SLC27A4: variants seen among roughly 807,000 people sequenced by gnomAD.
SLC27A4 encodes the protein solute carrier family 27 member 4, also known as long-chain fatty acid transport protein 4.
A neutral mutation model predicts 64.4 loss-of-function variants in SLC27A4; 33 were observed. The ratio of observed to expected loss-of-function variants is 0.51; its 90% CI spans 0.39 to 0.68. The LOEUF (loss-of-function observed/expected upper bound fraction) is 0.68, where lower values mean the gene tolerates loss of function less well. Ranked by LOEUF, SLC27A4 falls within the 30% of genes least tolerant of loss-of-function variation. The pLI is 0.00. For missense variants in SLC27A4, 824 were observed against 883.5 expected (o/e 0.93, Z 0.85); for synonymous variants, 377 against 370.0 (o/e 1.02, Z -0.22).
At chr9:128,351,685 T>A (rs9695345) in intron 6 of SLC27A4, among the ~76,000 whole-genome samples, 3 of 151,952 alleles carry the variant, frequency 2.0e-5, no homozygotes, top group African/African-American at 7.3e-5. Flanking sequence ...CCATTGCACA[T>A]CAGCCTGGGT....
chr9:128,358,243 TGGCTCTC>T (rs1030932722), intron 12 of SLC27A4, among the ~76,000 whole-genome samples: 1 of 152,202 alleles, frequency 6.6e-6, no homozygotes, highest in Non-Finnish European at 1.5e-5. Flanking sequence ...CCCACGTGTC[TGGCTCTC>T]GGCTGCTTAC....
intron 12 of SLC27A4, among the ~76,000 whole-genome samples, chr9:128,357,254 T>C: frequency 7.6e-6 from 1 of 131,048 alleles, no homozygotes; most frequent in Non-Finnish European, 1.6e-5. Context: ...AGAGTGAGAC[T>C]CTGTCTCAAA....
intron 7 of SLC27A4, 104 bp from the exon 8 acceptor site, chr9:128,352,921 G>C (rs1410277166): frequency 8.6e-7 from 1 of 1,165,474 alleles, no homozygotes; most frequent in East Asian, 2.5e-5. Flanking sequence ...GGAAAGGATG[G>C]CATGGCCAGC....
At chr9:128,357,513 G>C (rs552884084) in intron 12 of SLC27A4, among the ~76,000 whole-genome samples, 1 of 152,174 alleles carries the variant, frequency 6.6e-6, no homozygotes, top group Non-Finnish European at 1.5e-5. Flanking sequence ...TGCTGTGTAC[G>C]GAGTGGGAGA....
rs760973751 is a variant in SLC27A4 at position 128,345,281 on chromosome 9, G to A, written c.288G>A (p.Glu96=). ...CCGACAAGACGGCCCTGATCTTCGA[G>A]GGCACAGATACCCACTGGACCTTCC... The part of the protein sequence containing the change: ...RHPDKTALIF[E]GTDTHWTFRQ... The change falls in exon 3 of 13, where the codon GAG becomes GAA. Residue 96 remains glutamate (E), a synonymous_variant. Transcript: ENST00000300456. This position sits in a 1 kb window ranked among gnomAD's most constrained non-coding sequence, Gnocchi z 4.1. The A allele has an allele frequency of 3.7e-6, 6 of 1,613,938 alleles. No homozygotes were observed. Among genetic ancestry groups the A allele is most frequent in the Non-Finnish European group, 4.2e-6 (5 of 1,180,006 alleles).
At chr9:128,346,446 G>C (rs1483965721) in intron 3 of SLC27A4, among the ~76,000 whole-genome samples, 1 of 150,412 alleles carries the variant, frequency 6.6e-6, no homozygotes, top group African/African-American at 2.4e-5. Context: ...ATGTTGGTCA[G>C]GCTGGTCTCC....
At chr9:128,343,639 A>G (rs929953871) in intron 2 of SLC27A4, among the ~76,000 whole-genome samples, 3 of 152,158 alleles carry the variant, frequency 2.0e-5, no homozygotes, top group African/African-American at 7.2e-5. Context: ...TTTTGGGGAA[A>G]GGCCCTGCCC....
intron 1 of SLC27A4, chr9:128,342,187 C>T (rs1204882467): frequency 6.6e-7 from 1 of 1,515,148 alleles, no homozygotes; most frequent in Non-Finnish European, 9.2e-7. Context: ...GCAGACCAGA[C>T]TTCGCTCGTT....
At chr9:128,351,572 C>T (rs1470883005) in intron 6 of SLC27A4, among the ~76,000 whole-genome samples, 1 of 151,630 alleles carries the variant, frequency 6.6e-6, no homozygotes. Flanking sequence ...CAAAAAGTAG[C>T]TGGGCTTGGT....
Position 128,355,534 on chromosome 9 carries a change from C to T in SLC27A4, c.1599C>T (p.Asp533=), listed in dbSNP as rs371165384. 7.4e-6 allele frequency: 12 copies of T among 1,612,158 alleles called. No homozygotes were observed. Among genetic ancestry groups the T allele is most frequent in the African/African-American group, 6.7e-5 (5 of 74,924 alleles). Residue 533 remains aspartate (D), a synonymous_variant, in exon 11 of 13, where the codon GAC becomes GAT. Coordinates refer to ENST00000300456, the MANE Select transcript of SLC27A4 (RefSeq NM_005094.4). The part of the protein sequence containing the change: ...GTLSRLLDMA[D]VAVYGVEVPG... ...TCAGCCGCCTGCTGGACATGGCTGACGTGGCCGTGTATGGTGTCGAGGTGC... is the reference window on the plus strand; with the variant it reads ...TCAGCCGCCTGCTGGACATGGCTGATGTGGCCGTGTATGGTGTCGAGGTGC...
rs768827874 is a variant in SLC27A4, at chr9:128,355,084, C to T, written c.1356C>T (p.Ile452=). 11 of 1,612,234 alleles carry T rather than the reference C, an allele frequency of 6.8e-6. No homozygotes were observed. In the East Asian group the frequency reaches 2.2e-4, roughly 33 times the overall value. The part of the protein sequence containing the change: ...GEPGQLVGRI[I]QKDPLRRFDG... ...CGGGCCAGCTGGTGGGCCGCATCATCCAGAAAGACCCCCTGCGCCGCTTCG... is the reference window on the plus strand; with the variant it reads ...CGGGCCAGCTGGTGGGCCGCATCATTCAGAAAGACCCCCTGCGCCGCTTCG... The change falls in exon 10 of 13, where the codon ATC becomes ATT. Residue 452 remains isoleucine (I), a synonymous_variant. Transcript: ENST00000300456.
At position 128,348,546 on chromosome 9, in the gene SLC27A4, C is replaced by T; in HGVS notation, c.558C>T (p.Ala186=). The change falls in exon 4 of 13, where the codon GCC becomes GCT. Residue 186 remains alanine, a splice_region_variant and synonymous_variant. Coordinates refer to ENST00000300456, the MANE Select transcript of SLC27A4 (RefSeq NM_005094.4). ...GCTGACTGCCCTGTCTCCCCACAGC[C>T]ATCTGTGAGGTCCATGCCAGCCTGG... The part of the protein sequence containing the change: ...ALVFGSEMAS[A]ICEVHASLDP... 1 of 1,613,104 alleles carries T rather than the reference C, an allele frequency of 6.2e-7. No individual in the cohort carries two copies. Among genetic ancestry groups the T allele is most frequent in the East Asian group, 2.2e-5 (1 of 44,884 alleles).
At chr9:128,350,182 GA>G (rs1832711758) in intron 4 of SLC27A4, 129 bp from the exon 5 acceptor site, 9 of 749,486 alleles carry the variant, frequency 1.2e-5, no homozygotes, top group Middle Eastern at 3.9e-4. Flanking sequence ...GAGGTTATCA[GA>G]ACAGGCTTCC....
chr9:128,345,757 C>CCTCA lies in SLC27A4; in HGVS notation c.556+209_556+212dup, dbSNP rs1371599932. Among the ~76,000 whole-genome samples the CCTCA allele has an allele frequency of 2.0e-5, 3 of 152,306 alleles. No homozygotes were observed. The highest frequency in any genetic ancestry group is 2.1e-4 in the South Asian group (1 of 4,818). On this transcript the variant is annotated intron_variant, in intron 3 of 12. Coordinates refer to ENST00000300456, the MANE Select transcript of SLC27A4 (RefSeq NM_005094.4). The surrounding 1 kb of genome is among the most constrained non-coding windows in gnomAD (Gnocchi z 4.1). ...TCAGTTTCCTCATCCGTCGTTCCTA[C>CCTCA]CTCATACTGTTTTCAAAAAGGTACT...
At position 128,360,557 on chromosome 9, in the gene SLC27A4, G is replaced by C; in HGVS notation, c.*66G>C. On this transcript the variant is annotated 3_prime_UTR_variant, in exon 13 of 13. Coordinates refer to ENST00000300456, the MANE Select transcript of SLC27A4 (RefSeq NM_005094.4). ...GAGCCCCAGGTTCCGCCCCAGAGCG[G>C]TCCTGGACAAGGCCAGACCAAAGCA... The C allele has an allele frequency of 1.3e-6, 2 of 1,581,382 alleles. No individual in the cohort carries two copies. The highest frequency in any genetic ancestry group is 1.7e-6 in the Non-Finnish European group (2 of 1,155,992).
intron 3 of SLC27A4, among the ~76,000 whole-genome samples, chr9:128,347,983 A>G (rs112417645): frequency 0.062 from 9,424 of 152,016 alleles, 387 homozygotes; most frequent in Middle Eastern, 0.14. Context: ...AGAGGAAGCC[A>G]GGAAGGTGGG....
At chr9:128,350,404 G>A (rs922230077) in intron 5 of SLC27A4, 23 bp downstream of exon 5, 1 of 1,613,198 alleles carries the variant, frequency 6.2e-7, no homozygotes, top group Non-Finnish European at 8.5e-7. Flanking sequence ...TGCCCAGGGT[G>A]GGGTAGGCAC....
chr9:128,347,641 C>T (rs1832675665), intron 3 of SLC27A4, among the ~76,000 whole-genome samples: 1 of 150,052 alleles, frequency 6.7e-6, no homozygotes, highest in South Asian at 2.1e-4. Flanking sequence ...GCACAAGAAT[C>T]ACTTGAACCA....
At chr9:128,343,406 C>A in intron 2 of SLC27A4, 113 bp downstream of exon 2, 2 of 1,298,552 alleles carry the variant, frequency 1.5e-6, no homozygotes, top group South Asian at 1.2e-5. Context: ...GGCAGCTGAG[C>A]TGAGTTCCAG....
Sources: gnomAD v4.1 joint callset for allele counts (sites outside exome capture counted in the v4.1 genomes callset) on GRCh38, gnomAD v4.1.1 for gene constraint, Gnocchi (gnomAD v3.1) non-coding constraint, MANE v1.5 for transcripts, NCBI Gene and HGNC (gene_info 2026-07-23, HGNC 2026-07-21) for gene names.